SH3RF2: variants seen among roughly 807,000 people sequenced by gnomAD.
SH3RF2 encodes SH3 domain containing ring finger 2.
A neutral mutation model predicts 59.0 loss-of-function variants in SH3RF2; 43 were observed. The ratio of observed to expected loss-of-function variants is 0.73; its 90% confidence interval spans 0.57 to 0.94. SH3RF2 has a LOEUF of 0.94. SH3RF2 is among the 40% of genes least tolerant of loss of function. SH3RF2 has a pLI of 0.00. For synonymous variants in SH3RF2, 391 were observed against 391.5 expected, an observed-to-expected ratio of 1.00 and a Z score of 0.01; for missense variants, 930 against 940.1, an observed-to-expected ratio of 0.99 and a Z score of 0.14.
At chr5:146,072,499 C>T (rs1455297220) in intron 9 of SH3RF2, among the ~76,000 whole-genome samples, 2 of 151,952 alleles carry the variant, frequency 1.3e-5, no homozygotes, top group African/African-American at 2.4e-5. Flanking sequence ...GGTGAAACCC[C>T]GTCTCTATTA....
chr5:146,026,546 A>C (rs1477313910), intron 5 of SH3RF2, among the ~76,000 whole-genome samples: 1 of 152,136 alleles, frequency 6.6e-6, no homozygotes, highest in Non-Finnish European at 1.5e-5. Context: ...TTAATGAATC[A>C]TGGTTATTGT....
chr5:145,955,473 G>A (rs1257287345), intron 2 of SH3RF2, among the ~76,000 whole-genome samples: 1 of 152,176 alleles, frequency 6.6e-6, no homozygotes, highest in Non-Finnish European at 1.5e-5. Flanking sequence ...GTACCTGGGT[G>A]ACAGGATCAT....
intron 5 of SH3RF2, among the ~76,000 whole-genome samples, chr5:146,018,835 A>G (rs1378100865): frequency 6.6e-6 from 1 of 151,742 alleles, no homozygotes; most frequent in Non-Finnish European, 1.5e-5. Context: ...TGACTTGGAT[A>G]AGGGTGGTAT....
At chr5:146,058,255 A>G (rs988553543) in intron 8 of SH3RF2, among the ~76,000 whole-genome samples, 1 of 152,146 alleles carries the variant, frequency 6.6e-6, no homozygotes, top group Non-Finnish European at 1.5e-5. Context: ...ACAAGAGCCT[A>G]AGGACATGTC....
At chr5:146,022,731 G>A (rs1392511786) in intron 5 of SH3RF2, among the ~76,000 whole-genome samples, 1 of 151,966 alleles carries the variant, frequency 6.6e-6, no homozygotes, top group African/African-American at 2.4e-5. Context: ...AAATTAGCCA[G>A]GTGTGGTGGC....
In SH3RF2 at chr5:146,047,627, A is replaced by G. The variant is rs1762352742; in HGVS notation, c.1060-145A>G. 9 of 718,924 alleles carry G rather than the reference A, an allele frequency of 1.3e-5. 1 individual carries two copies. The East Asian group carries it at 2.2e-4, about 17-fold the overall frequency. The allele number at this position is 718,924 out of a possible 1,614,324, so 44.5% of individuals were successfully genotyped here. A position where few individuals can be genotyped will look rare whatever the true frequency, so the allele number is the denominator to read the frequency against. ...CTCCCTGTGCCCACAGCCACAAACC[A>G]CAGAGAGGACGCACAATGGGTGGCA... On this transcript the variant is annotated intron_variant, in intron 5 of 9. Coordinates refer to ENST00000359120, the MANE Select transcript of SH3RF2 (RefSeq NM_152550.4).
At chr5:146,012,142 A>G (rs1760929144) in intron 4 of SH3RF2, among the ~76,000 whole-genome samples, 1 of 152,130 alleles carries the variant, frequency 6.6e-6, no homozygotes, top group East Asian at 1.9e-4. Context: ...AGATAATCAT[A>G]TGGTTTTTGT....
intron 2 of SH3RF2, among the ~76,000 whole-genome samples, chr5:145,962,635 C>G (rs182088975): frequency 2.0e-5 from 3 of 152,128 alleles, no homozygotes; most frequent in Non-Finnish European, 4.4e-5. Context: ...CCTTCTATAT[C>G]TTATGTATGC....
chr5:145,977,822 C>G (rs1406985617), intron 2 of SH3RF2, among the ~76,000 whole-genome samples: 1 of 152,216 alleles, frequency 6.6e-6, no homozygotes, highest in Non-Finnish European at 1.5e-5. Flanking sequence ...CTGCCTTGTT[C>G]CCTAACGTAG....
intron 5 of SH3RF2, among the ~76,000 whole-genome samples, chr5:146,019,204 GTT>G (rs1369229464): frequency 1.3e-5 from 2 of 152,024 alleles, no homozygotes; most frequent in Admixed American, 1.3e-4. Context: ...GTCCAGAAGA[GTT>G]TTTCTAGGTT....
In SH3RF2 at chr5:145,959,079, T is replaced by C. The variant is rs192159487; in HGVS notation, c.378+20773T>C. On this transcript the variant is annotated intron_variant, in intron 2 of 9. Transcript: ENST00000359120. ...ACACAGAATAAAACTAAGACAGCAATGAAAATGTCTCCAAAAGGTAACATG... is the reference window on the plus strand; with the variant it reads ...ACACAGAATAAAACTAAGACAGCAACGAAAATGTCTCCAAAAGGTAACATG... Among the ~76,000 whole-genome samples, 11 of 152,050 alleles carry C rather than the reference T, an allele frequency of 7.2e-5. No homozygotes were observed. In the East Asian group the frequency reaches 1.9e-3, roughly 27 times the overall value.
chr5:146,016,324 A>G (rs1312771184), intron 5 of SH3RF2, among the ~76,000 whole-genome samples: 1 of 152,070 alleles, frequency 6.6e-6, no homozygotes, highest in East Asian at 1.9e-4. Flanking sequence ...CTAATATGAG[A>G]CGGATGGATC....
chr5:146,056,324 C>T, intron 8 of SH3RF2, 111 bp downstream of exon 8: 3 of 1,498,890 alleles, frequency 2.0e-6, no homozygotes, highest in South Asian at 1.2e-5. Flanking sequence ...TAAACTAAGC[C>T]CCTGCAAAGG....
rs775407312 is a variant in SH3RF2 at position 146,013,758 on chromosome 5, C to T, written c.756C>T (p.Thr252=). The T allele has an allele frequency of 3.5e-5, 57 of 1,613,742 alleles. No individual in the cohort carries two copies. The Middle Eastern group carries it at 2.3e-3, about 65-fold the overall frequency. ...TTTTGTCTTTTCAGCCAAACCTCAC[C>T]GCAAGACACCTTTTAGAGAAGAACA... is the stretch of plus-strand genomic sequence containing the variant. ...FPILFVEPNL[T]ARHLLEKNKG... Residue 252 remains threonine, a synonymous_variant, in exon 5 of 10, where the codon ACC becomes ACT. Transcript: ENST00000359120.
intron 5 of SH3RF2, among the ~76,000 whole-genome samples, chr5:146,014,741 A>G (rs1180492501): frequency 6.6e-6 from 1 of 152,196 alleles, no homozygotes; most frequent in African/African-American, 2.4e-5. Context: ...AATGCATGTA[A>G]AGTGACTAGC....
Position 146,047,838 on chromosome 5 carries a change from T to A in SH3RF2, c.1126T>A (p.Ser376Thr). ...CACAGCCGTGGTCAGTCTGCCTGGCTCCCAGCAACACCTCTCAGCGAACAT... is the reference window on the plus strand; with the variant it reads ...CACAGCCGTGGTCAGTCTGCCTGGCACCCAGCAACACCTCTCAGCGAACAT... ...HSTAVVSLPG[S>T]QQHLSANMFV... Residue 376 changes from serine to threonine, a missense_variant, in exon 6 of 10, where the codon TCC (serine) becomes ACC (threonine). By Grantham distance (58) the Ser-to-Thr change is moderately conservative. Transcript: ENST00000359120. 3.1e-6 allele frequency: 5 copies of A among 1,614,086 alleles called. No individual in the cohort carries two copies. The highest frequency in any genetic ancestry group is 4.2e-6 in the Non-Finnish European group (5 of 1,180,034).
downstream of SH3RF2, among the ~76,000 whole-genome samples, chr5:146,066,234 A>G (rs2150026619): frequency 6.6e-6 from 1 of 152,364 alleles, no homozygotes; most frequent in Admixed American, 6.5e-5. Flanking sequence ...GAGGCAGCAG[A>G]GTGCATTTTT....
At chr5:146,034,572 G>C (rs1269203613) in intron 5 of SH3RF2, among the ~76,000 whole-genome samples, 1 of 152,110 alleles carries the variant, frequency 6.6e-6, no homozygotes, top group Non-Finnish European at 1.5e-5. Context: ...GGACCCTGGT[G>C]GACTTTGTGG....
chr5:146,057,153 T>C (rs555509491), intron 8 of SH3RF2, among the ~76,000 whole-genome samples: 2 of 152,360 alleles, frequency 1.3e-5, no homozygotes, highest in African/African-American at 4.8e-5. Flanking sequence ...GCAATAGGAT[T>C]GGTCAATACA....
Sources: allele counts gnomAD v4.1 joint callset (sites outside exome capture counted in the v4.1 genomes callset), GRCh38; gene constraint gnomAD v4.1.1; transcripts MANE v1.5; gene names NCBI Gene and HGNC (gene_info 2026-07-23, HGNC 2026-07-21).